Variants in TSKS observed in about 807,000 individuals in gnomAD.
TSKS encodes testis specific serine kinase substrate.
TSKS carries 27 observed loss-of-function variants against 68.0 expected under a neutral mutation model. The observed-to-expected ratio is 0.40, with a 90% CI of 0.29 to 0.55. TSKS has a LOEUF of 0.55. Ranked by LOEUF, TSKS falls within the 20% of genes least tolerant of loss-of-function variation. The probability of loss-of-function intolerance (pLI) is 0.53; values close to 1 mark genes in which losing one functional copy is unlikely to be tolerated. For missense variants in TSKS, 806 were observed against 776.0 expected (o/e 1.04, Z -0.46); for synonymous variants, 331 against 340.4 (o/e 0.97, Z 0.30).
In TSKS at chr19:49,744,365, G is replaced by C. The variant is rs777344514; in HGVS notation, c.1227C>G (p.Ser409Arg). 1 of 1,613,910 alleles carries C rather than the reference G, an allele frequency of 6.2e-7. No individual in the cohort carries two copies. Among genetic ancestry groups the C allele is most frequent in the South Asian group, 1.1e-5 (1 of 91,070 alleles). The change falls in exon 8 of 11, where the codon AGC (serine) becomes AGG (arginine). Residue 409 changes from serine to arginine, a missense_variant. Coordinates refer to ENST00000246801, the MANE Select transcript of TSKS (RefSeq NM_021733.2). Reference sequence around the variant, plus strand: ...TCAGTGGGCCCAGCCCCTCCAGTTCGCTCCTCAGTGAAGCCACAGACACTG... The same window carrying C: ...TCAGTGGGCCCAGCCCCTCCAGTTCCCTCCTCAGTGAAGCCACAGACACTG... ...RSAVSVASLR[S>R]ELEGLGPLKP... is the part of the protein sequence containing the mutation.
In TSKS at chr19:49,746,612, C is replaced by T. The variant is rs138783586; in HGVS notation, c.850G>A (p.Gly284Ser). ...GGTTTGTCGGGACTCCCTGGCGGGCCGGGGCAGCCCTGGGACGTGGCGGCG... is the reference window on the plus strand; with the variant it reads ...GGTTTGTCGGGACTCCCTGGCGGGCTGGGGCAGCCCTGGGACGTGGCGGCG... ...GPAATSQGCP[G>S]PPGSPDKPSR... Residue 284 changes from glycine (G) to serine (S), a missense_variant, in exon 6 of 11, where the codon GGC becomes AGC. Physicochemically the swap from Gly to Ser is moderately conservative, Grantham distance 56. Coordinates refer to ENST00000246801, the MANE Select transcript of TSKS (RefSeq NM_021733.2). 8 of 1,610,984 alleles carry T rather than the reference C, an allele frequency of 5.0e-6. No individual in the cohort carries two copies. The highest frequency in any genetic ancestry group is 1.1e-5 in the South Asian group (1 of 91,012).
At position 49,763,154 on chromosome 19, in the gene TSKS, C is replaced by G; in HGVS notation, c.94G>C (p.Val32Leu). The G allele has an allele frequency of 6.2e-7, 1 of 1,609,830 alleles. No individual in the cohort carries two copies. The highest frequency in any genetic ancestry group is 1.7e-5 in the Admixed American group (1 of 59,344). ...GTCACCCTCCGGGGAGCCTCTGGGA[C>G]TAGCTGGGAGCAGCTCTCCACCCCC... Reference protein sequence around the residue: ...PTGVESCSQLVPEAPRRVTSR... With the variant: ...PTGVESCSQLLPEAPRRVTSR... The change falls in exon 1 of 11, where the codon GTC becomes CTC. Residue 32 changes from valine to leucine, a missense_variant. Physicochemically the swap from Val to Leu is conservative, Grantham distance 32. Transcript: ENST00000246801. The surrounding 1 kb of genome is among the most constrained non-coding windows in gnomAD (Gnocchi z 4.5).
chr19:49,762,413 TTTTC>T (rs1367029446), intron 1 of TSKS, among the ~76,000 whole-genome samples, 181 bp from the exon 2 acceptor site: 57 of 146,176 alleles, frequency 3.9e-4, no homozygotes, highest in Non-Finnish European at 6.3e-4. Context: ...TTTCTTTCTT[TTTTC>T]TTTCTTTCTT....
chr19:49,746,798 C>T lies in TSKS; in HGVS notation c.664G>A (p.Glu222Lys), dbSNP rs2084306499. 2 of 1,598,500 alleles carry T rather than the reference C, an allele frequency of 1.3e-6. No individual in the cohort carries two copies. The highest frequency in any genetic ancestry group is 1.7e-6 in the Non-Finnish European group (2 of 1,179,470). Reference protein sequence around the residue: ...VLKQNSALLEEKLRYLQQQLQ... With the variant: ...VLKQNSALLEKKLRYLQQQLQ... ...TGCTGCTGGAGGTAGCGCAGCTTCT[C>T]CTGGGTGGTAAGGGAGGACGGGGTC... is the stretch of plus-strand genomic sequence containing the variant. Residue 222 changes from glutamate (E) to lysine (K), a missense_variant and splice_region_variant, in exon 6 of 11, where the codon GAG becomes AAG. Transcript: ENST00000246801.
rs778402211 is a variant in TSKS, at chr19:49,745,312, G to T, written c.1077C>A (p.Gly359=). The T allele has an allele frequency of 1.2e-6, 2 of 1,603,970 alleles. No homozygotes were observed. The highest frequency in any genetic ancestry group is 1.7e-6 in the Non-Finnish European group (2 of 1,179,122). The change falls in exon 7 of 11, where the codon GGC becomes GGA. Residue 359 remains glycine (G), a synonymous_variant. Coordinates refer to ENST00000246801, the MANE Select transcript of TSKS (RefSeq NM_021733.2). ...QEALRLLGGL[G]GRVDGFLGQW... ...GGCCTAGGAAGCCGTCGACCCTGCC[G>T]CCCAGGCCCCCGAGCAGCCGCAGGG...
At chr19:49,753,561 CAAT>C (rs59369964) in intron 2 of TSKS, among the ~76,000 whole-genome samples, 31,686 of 135,922 alleles carry the variant, frequency 0.23, 3,726 homozygotes, top group African/African-American at 0.31. Context: ...GACTCCATCT[CAAT>C]AATAATAATA....
At position 49,763,243 on chromosome 19, in the gene TSKS, G is replaced by A. The variant is rs1188242864; in HGVS notation, c.5C>T (p.Ala2Val). 1.2e-5 allele frequency: 18 copies of A among 1,493,682 alleles called. No homozygotes were observed. Among genetic ancestry groups the A allele is most frequent in the Admixed American group, 4.6e-5 (2 of 43,734 alleles). The allele number at this position is 1,493,682 out of a possible 1,614,324, so 92.5% of individuals were successfully genotyped here. A position where few individuals can be genotyped will look rare whatever the true frequency, so the allele number is the denominator to read the frequency against. ...CCAGATCGTCTTCACCACCACGCTC[G>A]CCATGGTGTGGGGGTCTGGCTCCCA... Reference protein sequence around the residue: MASVVVKTIWQS... With the variant: MVSVVVKTIWQS... The change falls in exon 1 of 11, where the codon GCG (alanine) becomes GTG (valine). Residue 2 changes from alanine (A) to valine (V), a missense_variant. By Grantham distance (64) the Ala-to-Val change is moderately conservative. Transcript: ENST00000246801. The surrounding 1 kb of genome is among the most constrained non-coding windows in gnomAD (Gnocchi z 4.5).
At position 49,745,357 on chromosome 19, in the gene TSKS, C is replaced by T. The variant is rs761368528; in HGVS notation, c.1032G>A (p.Glu344=). 6 of 1,592,772 alleles carry T rather than the reference C, an allele frequency of 3.8e-6. No homozygotes were observed. In the East Asian group the frequency reaches 1.4e-4, roughly 36 times the overall value. Residue 344 remains glutamate (E), a synonymous_variant, in exon 7 of 11, where the codon GAG becomes GAA. Transcript: ENST00000246801. ...VSSLTARWHQ[E]EGAVQEALRL... ...GCAGGGCTTCCTGCACCGCCCCCTCCTCCTGATGCCACCGGGCGGTCAGTG... is the reference window on the plus strand; with the variant it reads ...GCAGGGCTTCCTGCACCGCCCCCTCTTCCTGATGCCACCGGGCGGTCAGTG...
At chr19:49,762,425 C>CTTT (rs34463626) in intron 1 of TSKS, among the ~76,000 whole-genome samples, 193 bp from the exon 2 acceptor site, 1 of 127,208 alleles carries the variant, frequency 7.9e-6, no homozygotes, top group African/African-American at 2.8e-5. Context: ...TTCTTTCTTT[C>CTTT]TTTTTTTTTT....
rs1600190950 is a variant in TSKS at position 49,747,051 on chromosome 19, A to T, written c.664-253T>A. The T allele has an allele frequency of 1.2e-5, 16 of 1,348,530 alleles. No homozygotes were observed. The East Asian group carries it at 3.3e-4, about 27-fold the overall frequency. The allele number at this position is 1,348,530 out of a possible 1,614,324, so 83.5% of individuals were successfully genotyped here. On this transcript the variant is annotated intron_variant, in intron 5 of 10. Coordinates refer to ENST00000246801, the MANE Select transcript of TSKS (RefSeq NM_021733.2). ...CGGCCCTCCAAGCCCTCCAGGCGTC[A>T]AATACCAGTCCCGGCCACTTGGCAA...
In TSKS at chr19:49,745,171, G is replaced by A. The variant is rs536615291; in HGVS notation, c.1187+31C>T. 10 of 1,530,088 alleles carry A rather than the reference G, an allele frequency of 6.5e-6. No homozygotes were observed. The African/African-American group carries it at 1.2e-4, about 19-fold the overall frequency. 94.8% of individuals were successfully genotyped at this position (1,530,088 alleles called of 1,614,324 possible). On this transcript the variant is annotated intron_variant, in intron 7 of 10. Transcript: ENST00000246801. ...AGGTTGGGATTGCCCTGCCCCTTCC[G>A]GTCTTCCCATGCACTGGCCCCAATC...
chr19:49,762,257 A>G lies in TSKS; in HGVS notation c.171-25T>C. ...CCTGCAGAGAAGAAACAGGCAGAAA[A>G]GTGGAGAAGCAGCCCCAGGGTGTCT... On this transcript the variant is annotated intron_variant, in intron 1 of 10. Coordinates refer to ENST00000246801, the MANE Select transcript of TSKS (RefSeq NM_021733.2). The G allele has an allele frequency of 1.9e-6, 3 of 1,599,698 alleles. 1 individual carries two copies. The highest frequency in any genetic ancestry group is 2.2e-5 in the South Asian group (2 of 89,922).
At chr19:49,743,730 G>A (rs1471065151) in intron 8 of TSKS, among the ~76,000 whole-genome samples, 1 of 150,834 alleles carries the variant, frequency 6.6e-6, no homozygotes, top group Non-Finnish European at 1.5e-5. Flanking sequence ...TTGATCTCCT[G>A]ACCTTGTGAT....
At chr19:49,742,829 C>T (rs1322547927) in intron 8 of TSKS, among the ~76,000 whole-genome samples, 1 of 151,940 alleles carries the variant, frequency 6.6e-6, no homozygotes, top group African/African-American at 2.4e-5. Flanking sequence ...CCAGACAGCC[C>T]TCAGTTTGCA....
In TSKS at chr19:49,762,083, C is replaced by T. The variant is rs756747547; in HGVS notation, c.320G>A (p.Gly107Asp). The change falls in exon 2 of 11, where the codon GGC (glycine) becomes GAC (aspartate). Residue 107 changes from glycine to aspartate, a missense_variant. Physicochemically the swap from Gly to Asp is moderately conservative, Grantham distance 94. Transcript: ENST00000246801. Reference protein sequence around the residue: ...GTDSTVEDLSGQLTLAGPPAS... With the variant: ...GTDSTVEDLSDQLTLAGPPAS... ...AGGGGGCCCAGCCAGTGTGAGTTGGCCGCTGAGGTCTTCCACTGTGGAGTC... is the reference window on the plus strand; with the variant it reads ...AGGGGGCCCAGCCAGTGTGAGTTGGTCGCTGAGGTCTTCCACTGTGGAGTC... 92 of 1,614,020 alleles carry T rather than the reference C, an allele frequency of 5.7e-5. 1 individual carries two copies. The highest frequency in any genetic ancestry group is 8.5e-7 in the Non-Finnish European group (1 of 1,180,044).
chr19:49,749,020 A>G (rs893296839), intron 2 of TSKS, among the ~76,000 whole-genome samples: 6 of 151,946 alleles, frequency 3.9e-5, no homozygotes, highest in Admixed American at 3.9e-4. Context: ...CTGAGATTGC[A>G]CCACCGTACT....
chr19:49,754,486 G>A (rs1470015590), intron 2 of TSKS, among the ~76,000 whole-genome samples: 1 of 151,440 alleles, frequency 6.6e-6, no homozygotes, highest in East Asian at 2.0e-4. Flanking sequence ...GTGATAGAGT[G>A]AGACTCCATC....
At chr19:49,745,107 G>C in intron 7 of TSKS, 95 bp downstream of exon 7, 1 of 1,260,192 alleles carries the variant, frequency 7.9e-7, no homozygotes, top group Non-Finnish European at 1.1e-6. Context: ...CCTGGCCATA[G>C]CTGATTGGCC....
At chr19:49,747,551 C>G in intron 4 of TSKS, 79 bp from the exon 5 acceptor site, 1 of 1,401,128 alleles carries the variant, frequency 7.1e-7, no homozygotes, top group Non-Finnish European at 1.0e-6. Flanking sequence ...CTGTTTCCAT[C>G]CAGGCTCCAG....
Sources: allele counts gnomAD v4.1 joint callset (sites outside exome capture counted in the v4.1 genomes callset), GRCh38; gene constraint gnomAD v4.1.1; non-coding constraint Gnocchi (gnomAD v3.1); transcripts MANE v1.5; gene names NCBI Gene and HGNC (gene_info 2026-07-23, HGNC 2026-07-21).